LRRC53: variants seen among roughly 807,000 people sequenced by gnomAD.
LRRC53 encodes leucine rich repeat containing 53, also known as leucine-rich repeat-containing protein 53.
In LRRC53, 25 loss-of-function variants were observed where a neutral mutation model predicts 13.6. That is an observed-to-expected ratio of 1.83 (90% CI 1.34 to 2.56). The LOEUF is 2.56. Ranked by LOEUF, LRRC53 falls within the 30% of genes most tolerant of loss-of-function variation. The pLI, the probability that LRRC53 is intolerant of heterozygous loss-of-function variation, is 0.00. For missense variants in LRRC53, 527 were observed against 275.8 expected, an observed-to-expected ratio of 1.91 and a Z score of -6.45; for synonymous variants, 204 against 109.8, an observed-to-expected ratio of 1.86 and a Z score of -5.37.
chr1:74,512,744 A>T (rs1670292026), upstream of LRRC53: 1 of 152,360 alleles, frequency 6.6e-6, no homozygotes, highest in South Asian at 2.1e-4. Context: ...ACTGAGTGAA[A>T]GAACAAACAC....
intron 1 of LRRC53, among the ~76,000 whole-genome samples, chr1:74,485,712 G>A (rs762153583): frequency 3.3e-5 from 5 of 152,176 alleles, no homozygotes; most frequent in Non-Finnish European, 7.3e-5. Context: ...GTCACAGAGT[G>A]GAAGTCAGGC....
intron 1 of LRRC53, among the ~76,000 whole-genome samples, chr1:74,498,867 A>G (rs1392108754): frequency 6.6e-6 from 1 of 152,222 alleles, no homozygotes; most frequent in Admixed American, 6.5e-5. Flanking sequence ...AAAAATTTTA[A>G]TATTTAAAAC....
At position 74,472,188 on chromosome 1, in the gene LRRC53, G is replaced by A; in HGVS notation, c.1434C>T (p.Asp478=). The A allele has an allele frequency of 2.8e-6, 2 of 716,812 alleles. No individual in the cohort carries two copies. Among genetic ancestry groups the A allele is most frequent in the Non-Finnish European group, 5.2e-6 (2 of 384,650 alleles). The allele number at this position is 716,812 out of a possible 1,614,324, so 44.4% of individuals were successfully genotyped here. The change falls in exon 5 of 5, where the codon GAC becomes GAT. Residue 478 remains aspartate (D), a synonymous_variant. Coordinates refer to ENST00000294635, the MANE Select transcript of LRRC53 (RefSeq NM_001382280.1). The part of the protein sequence containing the change: ...HIIRTEDISS[D]IFRRRYATPA... ...GTGTTGCATATCTTCTTCTAAATAT[G>A]TCACTGCTGATATCTGTGGAACAAT...
upstream of LRRC53, among the ~76,000 whole-genome samples, chr1:74,513,229 G>A (rs1352106064): frequency 6.6e-6 from 1 of 152,148 alleles, no homozygotes; most frequent in East Asian, 1.9e-4. Context: ...TGCTTTCCTA[G>A]TTCGTTTATT....
upstream of LRRC53, among the ~76,000 whole-genome samples, chr1:74,514,771 G>A (rs1354083677): frequency 6.6e-6 from 1 of 152,098 alleles, no homozygotes; most frequent in African/African-American, 2.4e-5. Flanking sequence ...AAAATGTGAA[G>A]GGGTATTGTG....
In LRRC53 at chr1:74,471,730, T is replaced by C. The variant is rs1667941056; in HGVS notation, c.1892A>G (p.Lys631Arg). 2.5e-6 allele frequency: 1 copy of C among 402,984 alleles called. No homozygotes were observed. The highest frequency in any genetic ancestry group is 1.2e-4 in the South Asian group (1 of 8,184). 25.0% of individuals were successfully genotyped at this position (402,984 alleles called of 1,614,324 possible). A position where few individuals can be genotyped will look rare whatever the true frequency, so the allele number is the denominator to read the frequency against. ...DLSGLSTKTK[K>R]AYSPKRVIFH... ...GATAACCCTCTTTGGGGAATATGCTTTCTTGGTTTTTGTTGATAATCCTGA... is the reference window on the plus strand; with the variant it reads ...GATAACCCTCTTTGGGGAATATGCTCTCTTGGTTTTTGTTGATAATCCTGA... The change falls in exon 5 of 5, where the codon AAA (lysine) becomes AGA (arginine). Residue 631 changes from lysine (K) to arginine (R), a missense_variant. By Grantham distance (26) the Lys-to-Arg change is conservative. Transcript: ENST00000294635.
chr1:74,528,462 G>A, the LRRC53 span, among the ~76,000 whole-genome samples: 10 of 152,256 alleles, frequency 6.6e-5, no homozygotes, highest in East Asian at 1.5e-3. Flanking sequence ...TGGAGCCCCC[G>A]TGGGTAAAGG....
intron 1 of LRRC53, among the ~76,000 whole-genome samples, chr1:74,495,003 AATCTAGAG>A (rs1408682918): frequency 6.6e-6 from 1 of 152,226 alleles, no homozygotes; most frequent in Non-Finnish European, 1.5e-5. Context: ...AGCCTTCAAG[AATCTAGAG>A]ATGTATACCA....
At chr1:74,531,372 A>G in the LRRC53 span, among the ~76,000 whole-genome samples, 1 of 152,252 alleles carries the variant, frequency 6.6e-6, no homozygotes, top group Admixed American at 6.5e-5. Flanking sequence ...ATGGCCATTC[A>G]TAAGAGTCTG....
intron 4 of LRRC53, among the ~76,000 whole-genome samples, chr1:74,473,586 T>G (rs79844776): frequency 6.6e-6 from 1 of 152,000 alleles, no homozygotes; most frequent in South Asian, 2.1e-4. Flanking sequence ...AATTAACTTT[T>G]AGTAGACAGG....
At chr1:74,521,393 G>A in the LRRC53 span, among the ~76,000 whole-genome samples, 3 of 151,968 alleles carry the variant, frequency 2.0e-5, no homozygotes, top group African/African-American at 4.8e-5. Flanking sequence ...ACAATACCTG[G>A]CACATAGTTA....
At chr1:74,519,421 T>A in the LRRC53 span, among the ~76,000 whole-genome samples, 2 of 125,550 alleles carry the variant, frequency 1.6e-5, 1 homozygote, top group African/African-American at 7.9e-5. Context: ...CTGGGTCAAA[T>A]GGTATTTCTA....
upstream of LRRC53, among the ~76,000 whole-genome samples, chr1:74,517,150 T>C (rs1296370399): frequency 6.6e-6 from 1 of 152,162 alleles, no homozygotes; most frequent in East Asian, 1.9e-4. Context: ...TCAACACCTG[T>C]GGGCACTTTC....
At chr1:74,517,065 A>G (rs920612962), upstream of LRRC53, among the ~76,000 whole-genome samples, 1 of 152,204 alleles carries the variant, frequency 6.6e-6, no homozygotes, top group Non-Finnish European at 1.5e-5. Flanking sequence ...GTTGATGGGG[A>G]TTATTTAATT....
At chr1:74,504,406 C>T (rs1669785015) in intron 1 of LRRC53, among the ~76,000 whole-genome samples, 1 of 152,148 alleles carries the variant, frequency 6.6e-6, no homozygotes, top group Non-Finnish European at 1.5e-5. Flanking sequence ...GGCTTGGAGA[C>T]TTCACGCCGA....
chr1:74,516,440 T>A (rs544541520), upstream of LRRC53, among the ~76,000 whole-genome samples: 3 of 152,294 alleles, frequency 2.0e-5, no homozygotes, highest in South Asian at 2.1e-4. Context: ...ATACAAGGCA[T>A]GAGGTGTCAC....
At chr1:74,515,721 C>G (rs1646339814), upstream of LRRC53, among the ~76,000 whole-genome samples, 1 of 152,162 alleles carries the variant, frequency 6.6e-6, no homozygotes, top group South Asian at 2.1e-4. Flanking sequence ...ATGGAAATAA[C>G]TAAAAGCTGA....
the LRRC53 span, among the ~76,000 whole-genome samples, chr1:74,527,296 A>G: frequency 6.6e-6 from 1 of 152,228 alleles, no homozygotes; most frequent in Non-Finnish European, 1.5e-5. Flanking sequence ...GAATCAGAGT[A>G]AACAGACAAA....
chr1:74,520,548 T>G, the LRRC53 span, among the ~76,000 whole-genome samples: 2 of 152,040 alleles, frequency 1.3e-5, no homozygotes, highest in South Asian at 4.1e-4. Context: ...CTTGTCTCTT[T>G]TGACCTTTTC....
Sources: allele counts gnomAD v4.1 joint callset (sites outside exome capture counted in the v4.1 genomes callset), GRCh38; gene constraint gnomAD v4.1.1; transcripts MANE v1.5; gene names NCBI Gene and HGNC (gene_info 2026-07-23, HGNC 2026-07-21).